Variants in EHD4 observed in about 807,000 individuals in gnomAD.
The protein encoded by EHD4 is EH domain containing 4.
Under a neutral mutation model 51.0 loss-of-function variants are expected in EHD4, and 37 were observed. The ratio of observed to expected loss-of-function variants is 0.73; its 90% CI spans 0.56 to 0.95. The LOEUF (loss-of-function observed/expected upper bound fraction) is 0.95. EHD4 is among the 40% of genes least tolerant of loss of function. The pLI, the probability that EHD4 is intolerant of heterozygous loss-of-function variation, is 0.00. For synonymous variants in EHD4, 297 were observed against 317.3 expected, an observed-to-expected ratio of 0.94 and a Z score of 0.68; for missense variants, 632 against 733.1, an observed-to-expected ratio of 0.86 and a Z score of 1.59.
At chr15:41,967,022 C>A (rs1477720683) in intron 1 of EHD4, among the ~76,000 whole-genome samples, 1 of 152,214 alleles carries the variant, frequency 6.6e-6, no homozygotes, top group Admixed American at 6.5e-5. Flanking sequence ...CCATGTCTTA[C>A]CCCTCATGGA....
At chr15:41,904,367 C>G (rs773840882) in intron 5 of EHD4, among the ~76,000 whole-genome samples, 3 of 152,030 alleles carry the variant, frequency 2.0e-5, no homozygotes, top group Admixed American at 6.5e-5. Flanking sequence ...TGGTCCCCCC[C>G]AGGCTTGACC....
intron 4 of EHD4, among the ~76,000 whole-genome samples, chr15:41,913,512 A>G (rs2067563280): frequency 1.3e-5 from 2 of 151,608 alleles, no homozygotes; most frequent in African/African-American, 4.9e-5. Flanking sequence ...TGGCATCTCC[A>G]CCTCAGCGTG....
At position 41,909,689 on chromosome 15, in the gene EHD4, C is replaced by T. The variant is rs758458153; in HGVS notation, c.1089+10G>A. The T allele has an allele frequency of 6.2e-7, 1 of 1,614,026 alleles. No homozygotes were observed. The highest frequency in any genetic ancestry group is 1.1e-5 in the South Asian group (1 of 91,062). ...CCTCTGCCCGTGACATTGTAGTGGG[C>T]TCCCAGTACCTGCATAGCCTTGACC... On this transcript the variant is annotated intron_variant, in intron 5 of 5. Transcript: ENST00000220325.
intron 3 of EHD4, among the ~76,000 whole-genome samples, chr15:41,923,982 G>T (rs964012977): frequency 6.6e-6 from 1 of 152,184 alleles, no homozygotes; most frequent in African/African-American, 2.4e-5. Context: ...GGCCAACTTT[G>T]ATTAAGTTAG....
chr15:41,959,083 A>C (rs1307035222), intron 1 of EHD4, among the ~76,000 whole-genome samples: 1 of 152,260 alleles, frequency 6.6e-6, no homozygotes, highest in East Asian at 1.9e-4. Flanking sequence ...TAAATTATCA[A>C]GCCAAATCTA....
intron 4 of EHD4, among the ~76,000 whole-genome samples, chr15:41,913,412 A>G (rs969328800): frequency 6.6e-6 from 1 of 152,186 alleles, no homozygotes; most frequent in Admixed American, 6.5e-5. Context: ...AGGAGTACGA[A>G]AGAGAAGAGG....
chr15:41,935,624 C>G (rs1173956587), intron 3 of EHD4, among the ~76,000 whole-genome samples: 3 of 152,188 alleles, frequency 2.0e-5, no homozygotes, highest in African/African-American at 4.8e-5. Context: ...TGACTGGCAG[C>G]TGTATTTTGC....
intron 3 of EHD4, among the ~76,000 whole-genome samples, chr15:41,937,988 C>T (rs1375756748): frequency 6.6e-6 from 1 of 152,202 alleles, no homozygotes; most frequent in Non-Finnish European, 1.5e-5. Context: ...CAAGCCTAAA[C>T]ACTAAATTCA....
At chr15:41,929,387 A>G (rs74777346) in intron 3 of EHD4, among the ~76,000 whole-genome samples, 22,272 of 152,234 alleles carry the variant, frequency 0.15, 1,735 homozygotes, top group South Asian at 0.18. Flanking sequence ...AGAGCCCCAC[A>G]TCACAGGTTC....
chr15:41,939,019 G>A (rs190450543), intron 3 of EHD4, among the ~76,000 whole-genome samples: 14 of 152,316 alleles, frequency 9.2e-5, no homozygotes, highest in Admixed American at 2.0e-4. Flanking sequence ...AGCATGATAA[G>A]AGGTCGAGTG....
chr15:41,926,033 C>T (rs1179947758), intron 3 of EHD4: 1 of 152,064 alleles, frequency 6.6e-6, no homozygotes, highest in Admixed American at 6.5e-5. Flanking sequence ...CTTTTCAGAG[C>T]CAAGTTTCTA....
At chr15:41,916,611 T>C (rs2067585450) in intron 4 of EHD4, among the ~76,000 whole-genome samples, 1 of 152,230 alleles carries the variant, frequency 6.6e-6, no homozygotes, top group Non-Finnish European at 1.5e-5. Flanking sequence ...CAGGTAAGCA[T>C]CTGTCCATTT....
intron 2 of EHD4, among the ~76,000 whole-genome samples, chr15:41,949,362 T>A (rs1490949965): frequency 6.6e-6 from 1 of 151,576 alleles, no homozygotes; most frequent in African/African-American, 2.4e-5. Context: ...AGAGCAAGAC[T>A]CCATCTCAAA....
chr15:41,951,058 G>A (rs2067849576), intron 2 of EHD4, among the ~76,000 whole-genome samples: 1 of 152,174 alleles, frequency 6.6e-6, no homozygotes, highest in African/African-American at 2.4e-5. Context: ...GGGGCACTGG[G>A]CAGTGATTCC....
intron 3 of EHD4, chr15:41,942,288 C>G (rs1460376671): frequency 6.6e-6 from 1 of 151,478 alleles, no homozygotes; most frequent in Non-Finnish European, 1.5e-5. Flanking sequence ...GCTCTTTTGC[C>G]CACAGGCTAG....
intron 3 of EHD4, among the ~76,000 whole-genome samples, chr15:41,934,177 A>C (rs1284153936): frequency 6.6e-6 from 1 of 152,052 alleles, no homozygotes; most frequent in Non-Finnish European, 1.5e-5. Flanking sequence ...TGGGGATGGC[A>C]GGGTATGTAG....
At chr15:41,909,980 T>A in intron 4 of EHD4, 117 bp from the exon 5 acceptor site, 1 of 1,324,254 alleles carries the variant, frequency 7.6e-7, no homozygotes, top group South Asian at 1.3e-5. Flanking sequence ...ACAAACCAGG[T>A]CCCAAGGACA....
At chr15:41,967,313 T>C (rs2067967673) in intron 1 of EHD4, among the ~76,000 whole-genome samples, 1 of 152,212 alleles carries the variant, frequency 6.6e-6, no homozygotes, top group African/African-American at 2.4e-5. Context: ...GTCCCTCCTA[T>C]GCCCCCAGCC....
At chr15:41,970,515 G>A (rs1388904124) in intron 1 of EHD4, among the ~76,000 whole-genome samples, 6 of 152,260 alleles carry the variant, frequency 3.9e-5, no homozygotes, top group South Asian at 4.1e-4. Context: ...AGAATATAAT[G>A]AGAGAGAAAT....
Sources: gnomAD v4.1 joint callset for allele counts (sites outside exome capture counted in the v4.1 genomes callset) on GRCh38, gnomAD v4.1.1 for gene constraint, MANE v1.5 for transcripts, NCBI Gene and HGNC (gene_info 2026-07-23, HGNC 2026-07-21) for gene names.